The following ZNF462 variants were observed in gnomAD, a reference collection of about 807,000 sequenced individuals.
ZNF462 encodes the protein zinc finger protein 462, also known as zinc finger PBX1-interacting protein.
Under a neutral mutation model 201.9 loss-of-function variants are expected in ZNF462, and 10 were observed. The observed-to-expected ratio is 0.05, with a 90% CI of 0.03 to 0.08. The LOEUF is 0.08. Among genes scored for constraint, ZNF462 ranks in the 10% least tolerant of loss-of-function variants. The pLI is 1.00. For synonymous variants in ZNF462, 1,227 were observed against 1,193.3 expected, an observed-to-expected ratio of 1.03 and a Z score of -0.58; for missense variants, 2,523 against 3,168.3, an observed-to-expected ratio of 0.80 and a Z score of 4.89.
rs921621878 is a variant in ZNF462, at chr9:107,011,825, C to T, written c.*795C>T. On this transcript the variant is annotated 3_prime_UTR_variant, in exon 13 of 13. Coordinates refer to ENST00000277225, the MANE Select transcript of ZNF462 (RefSeq NM_021224.6). The surrounding 1 kb of genome is among the most constrained non-coding windows in gnomAD (Gnocchi z 5.6). ...AGATAACTGTTTGTGAATTGTCATC[C>T]TTTATTCCAGGTAAGCTGTTTATTA... The T allele has an allele frequency of 6.6e-6, 1 of 151,854 alleles. No homozygotes were observed. The highest frequency in any genetic ancestry group is 1.5e-5 in the Non-Finnish European group (1 of 67,990). The allele number at this position is 151,854 out of a possible 1,614,324, so 9.4% of individuals were successfully genotyped here.
intron 10 of ZNF462, among the ~76,000 whole-genome samples, chr9:107,000,422 A>G (rs1829099063): frequency 6.6e-6 from 1 of 152,046 alleles, no homozygotes; most frequent in African/African-American, 2.4e-5. Flanking sequence ...TGGGAGGGGA[A>G]GGGGCTGGCA....
At position 106,883,369 on chromosome 9, in the gene ZNF462, A is replaced by G. The variant is rs1275046316; in HGVS notation, c.-31+20014A>G. Among the ~76,000 whole-genome samples the G allele has an allele frequency of 6.6e-6, 1 of 152,246 alleles. No homozygotes were observed. Among genetic ancestry groups the G allele is most frequent in the African/African-American group, 2.4e-5 (1 of 41,468 alleles). ...AAAGCCTTTCTAAAGCAGAGACCAT[A>G]TTAATGCTGGCCCAGTGAAGGCAGA... is the stretch of plus-strand genomic sequence containing the variant. On this transcript the variant is annotated intron_variant, in intron 1 of 12. Transcript: ENST00000277225. The surrounding 1 kb of genome is among the most constrained non-coding windows in gnomAD (Gnocchi z 4.9).
chr9:106,897,871 C>T (rs945603115), intron 1 of ZNF462, among the ~76,000 whole-genome samples: 2 of 152,178 alleles, frequency 1.3e-5, no homozygotes, highest in Non-Finnish European at 2.9e-5. Context: ...CAAGCCAGTC[C>T]CTAGCTCATG....
At chr9:107,001,346 A>G (rs1829170751) in intron 10 of ZNF462, among the ~76,000 whole-genome samples, 1 of 152,178 alleles carries the variant, frequency 6.6e-6, no homozygotes, top group Non-Finnish European at 1.5e-5. Flanking sequence ...TGTTGTAAGC[A>G]TTCCCAAGAG....
At chr9:106,953,271 C>G (rs192095495) in intron 7 of ZNF462, among the ~76,000 whole-genome samples, 170 of 152,266 alleles carry the variant, frequency 1.1e-3, no homozygotes, top group African/African-American at 4.0e-3. Flanking sequence ...GGCATTTTCT[C>G]TGGGAAGGAG....
chr9:106,919,831 G>A lies in ZNF462; in HGVS notation c.-30-3523G>A, dbSNP rs72741797. 8.2e-3 allele frequency among the ~76,000 whole-genome samples: 1,251 copies of A among 152,256 alleles called. 7 individuals carry two copies. Among genetic ancestry groups the A allele is most frequent in the Non-Finnish European group, 0.012 (783 of 68,024 alleles). ...CATCTGAGGTCTATTTGACCTTGAA[G>A]GGCCTAGACATATATCTGGGGTAGA... is the stretch of plus-strand genomic sequence containing the variant. On this transcript the variant is annotated intron_variant, in intron 1 of 12. Coordinates refer to ENST00000277225, the MANE Select transcript of ZNF462 (RefSeq NM_021224.6). This position sits in a 1 kb window ranked among gnomAD's most constrained non-coding sequence, Gnocchi z 4.5.
At chr9:106,991,018 A>G (rs1828235959) in intron 10 of ZNF462, among the ~76,000 whole-genome samples, 1 of 152,036 alleles carries the variant, frequency 6.6e-6, no homozygotes, top group Non-Finnish European at 1.5e-5. Context: ...TGTACAATGT[A>G]CTGAACAGAA....
intron 1 of ZNF462, among the ~76,000 whole-genome samples, chr9:106,873,350 A>G (rs534752582): frequency 6.6e-6 from 1 of 152,274 alleles, no homozygotes; most frequent in South Asian, 2.1e-4. Context: ...TAAACATTTT[A>G]AAATTATATC....
At chr9:106,953,731 G>A (rs551748190) in intron 7 of ZNF462, among the ~76,000 whole-genome samples, 1 of 152,098 alleles carries the variant, frequency 6.6e-6, no homozygotes, top group Non-Finnish European at 1.5e-5. Flanking sequence ...CTCATGTTAA[G>A]TCTGAGACCC....
At chr9:106,907,873 A>G (rs1199766726) in intron 1 of ZNF462, among the ~76,000 whole-genome samples, 2 of 151,956 alleles carry the variant, frequency 1.3e-5, no homozygotes, top group African/African-American at 2.4e-5. Flanking sequence ...TCCTCTAAGT[A>G]TTGCTTTTAC....
rs1487345326 is a variant in ZNF462, at chr9:107,003,775, A to G, written c.7189+349A>G. ...GATGACACTGTAGAGCTCTAGAGGA[A>G]TGAGAATGAACTTCCAGTTGAATGC... On this transcript the variant is annotated intron_variant, in intron 11 of 12. Coordinates refer to ENST00000277225, the MANE Select transcript of ZNF462 (RefSeq NM_021224.6). This position sits in a 1 kb window ranked among gnomAD's most constrained non-coding sequence, Gnocchi z 4.4. Among the ~76,000 whole-genome samples the G allele has an allele frequency of 1.3e-5, 2 of 152,120 alleles. No homozygotes were observed. The highest frequency in any genetic ancestry group is 2.9e-5 in the Non-Finnish European group (2 of 68,026).
upstream of ZNF462, among the ~76,000 whole-genome samples, chr9:106,861,277 T>A (rs1217813309): frequency 6.6e-6 from 1 of 152,122 alleles, no homozygotes; most frequent in African/African-American, 2.4e-5. Context: ...GATCTGTTTA[T>A]GAAGCCCCGC....
intron 1 of ZNF462, among the ~76,000 whole-genome samples, chr9:106,889,560 A>G (rs1447317566): frequency 6.6e-6 from 1 of 152,186 alleles, no homozygotes; most frequent in Non-Finnish European, 1.5e-5. Context: ...TTCCTTGGTT[A>G]GTTGAAAAGA....
intron 7 of ZNF462, among the ~76,000 whole-genome samples, chr9:106,956,393 C>A (rs926208701): frequency 4.6e-5 from 7 of 152,122 alleles, no homozygotes; most frequent in Non-Finnish European, 1.0e-4. Flanking sequence ...ATTTAGTAAA[C>A]CATGCTGTAA....
intron 1 of ZNF462, among the ~76,000 whole-genome samples, chr9:106,892,074 A>G (rs959411151): frequency 2.0e-5 from 3 of 152,166 alleles, no homozygotes; most frequent in Non-Finnish European, 4.4e-5. Flanking sequence ...AGGGGATTCC[A>G]TTTGAGGCTG....
intron 7 of ZNF462, among the ~76,000 whole-genome samples, chr9:106,967,635 C>T (rs1832138101): frequency 6.6e-6 from 1 of 152,112 alleles, no homozygotes; most frequent in South Asian, 2.1e-4. Flanking sequence ...ACCCATCTCT[C>T]ATTTGCATTT....
rs1245126524 is a variant in ZNF462 at position 106,933,642 on chromosome 9, A to C, written c.6116+1093A>C. On this transcript the variant is annotated intron_variant, in intron 5 of 12. Transcript: ENST00000277225. This position sits in a 1 kb window ranked among gnomAD's most constrained non-coding sequence, Gnocchi z 4.3. ...CAAGGGTTGGTTTATGAAATTAAAAAAAAACAAAACAAAACCCACTGACTC... is the reference window on the plus strand; with the variant it reads ...CAAGGGTTGGTTTATGAAATTAAAACAAAACAAAACAAAACCCACTGACTC... Among the ~76,000 whole-genome samples the C allele has an allele frequency of 2.0e-5, 3 of 152,240 alleles. No individual in the cohort carries two copies. Among genetic ancestry groups the C allele is most frequent in the Admixed American group, 6.5e-5 (1 of 15,276 alleles).
At chr9:106,959,031 G>C (rs543152057) in intron 7 of ZNF462, among the ~76,000 whole-genome samples, 1 of 152,254 alleles carries the variant, frequency 6.6e-6, no homozygotes, top group East Asian at 1.9e-4. Flanking sequence ...GCCCTGAGAT[G>C]ACTTTTTGAA....
chr9:106,969,729 C>T (rs1450148920), intron 7 of ZNF462, among the ~76,000 whole-genome samples: 2 of 152,144 alleles, frequency 1.3e-5, no homozygotes, highest in African/African-American at 4.8e-5. Flanking sequence ...CCTAGACCAT[C>T]ACTTGGGAGA....
Sources: gnomAD v4.1 joint callset for allele counts (sites outside exome capture counted in the v4.1 genomes callset) on GRCh38, gnomAD v4.1.1 for gene constraint, Gnocchi (gnomAD v3.1) non-coding constraint, MANE v1.5 for transcripts, NCBI Gene and HGNC (gene_info 2026-07-23, HGNC 2026-07-21) for gene names.